The following KSR2 variants were observed in gnomAD, a reference collection of about 807,000 sequenced individuals.
The protein encoded by KSR2 is kinase suppressor of ras 2.
In KSR2, 25 loss-of-function variants were observed where a neutral mutation model predicts 107.8. That is an observed-to-expected ratio of 0.23 (90% CI 0.17 to 0.32). KSR2 has a LOEUF of 0.32. KSR2 is among the 10% of genes least tolerant of loss of function. The pLI is 1.00. For missense variants in KSR2, 887 were observed against 1,268.9 expected (o/e 0.70, Z 4.57); for synonymous variants, 480 against 507.0 (o/e 0.95, Z 0.71).
rs1017112809 is a variant in KSR2 at position 117,463,889 on chromosome 12, T to C, written c.*3310A>G. ...AAAGGGAAGAACTAGGTTCCCTGGA[T>C]ACAAAAGTCTAGTGGTCAATATCAG... On this transcript the variant is annotated 3_prime_UTR_variant, in exon 20 of 20. Coordinates refer to ENST00000339824, the MANE Select transcript of KSR2 (RefSeq NM_173598.6). 1 of 152,202 alleles carries C rather than the reference T, an allele frequency of 6.6e-6. No individual in the cohort carries two copies. Among genetic ancestry groups the C allele is most frequent in the Non-Finnish European group, 1.5e-5 (1 of 68,052 alleles). 9.4% of individuals were successfully genotyped at this position (152,202 alleles called of 1,614,324 possible).
intron 14 of KSR2, among the ~76,000 whole-genome samples, chr12:117,496,682 T>C (rs1420028524): frequency 6.6e-6 from 1 of 152,010 alleles, no homozygotes; most frequent in East Asian, 1.9e-4. Flanking sequence ...TAAAAATAAA[T>C]ACAATGAAAA....
At chr12:117,640,027 A>C (rs1883286142) in intron 5 of KSR2, among the ~76,000 whole-genome samples, 1 of 152,114 alleles carries the variant, frequency 6.6e-6, no homozygotes, top group Non-Finnish European at 1.5e-5. Context: ...ACTGAGTCTC[A>C]GGGAGGTTGA....
intron 1 of KSR2, among the ~76,000 whole-genome samples, chr12:117,917,226 A>G (rs928134455): frequency 1.3e-5 from 2 of 152,360 alleles, no homozygotes; most frequent in Middle Eastern, 3.4e-3. Flanking sequence ...TAATAAAATT[A>G]AGACTATACA....
At chr12:117,630,740 C>T (rs542976867) in intron 5 of KSR2, among the ~76,000 whole-genome samples, 48 of 152,034 alleles carry the variant, frequency 3.2e-4, no homozygotes, top group Middle Eastern at 3.4e-3. Flanking sequence ...AGGGTAGGGA[C>T]GCAAGGTTCT....
At chr12:117,800,527 C>T (rs1205900144) in intron 3 of KSR2, among the ~76,000 whole-genome samples, 1 of 152,120 alleles carries the variant, frequency 6.6e-6, no homozygotes, top group African/African-American at 2.4e-5. Context: ...GTGTATTAGT[C>T]CATTCTCACA....
At chr12:117,557,095 G>T (rs1877753080) in intron 8 of KSR2, among the ~76,000 whole-genome samples, 1 of 152,150 alleles carries the variant, frequency 6.6e-6, no homozygotes, top group Non-Finnish European at 1.5e-5. Flanking sequence ...AACCCGGGAG[G>T]CAGAGGTTGC....
At chr12:117,797,438 C>T (rs966771771) in intron 3 of KSR2, among the ~76,000 whole-genome samples, 1 of 152,090 alleles carries the variant, frequency 6.6e-6, no homozygotes, top group Non-Finnish European at 1.5e-5. Context: ...CAGGTAAATC[C>T]ATTAAGACAG....
intron 4 of KSR2, among the ~76,000 whole-genome samples, chr12:117,697,067 C>T (rs936053104): frequency 2.6e-5 from 4 of 152,132 alleles, no homozygotes; most frequent in East Asian, 1.9e-4. Context: ...ATTTTGCGGA[C>T]GCTAGTTTGG....
chr12:117,961,007 C>T (rs1467901795), intron 1 of KSR2, among the ~76,000 whole-genome samples: 2 of 152,050 alleles, frequency 1.3e-5, no homozygotes, highest in Non-Finnish European at 2.9e-5. Flanking sequence ...CCACATTGTC[C>T]AGACTGGTCT....
At chr12:117,715,150 T>C (rs67165350) in intron 4 of KSR2, among the ~76,000 whole-genome samples, 14,121 of 152,148 alleles carry the variant, frequency 0.093, 760 homozygotes, top group Middle Eastern at 0.18. Context: ...AGAGACACAA[T>C]TTTCTTATTA....
intron 5 of KSR2, among the ~76,000 whole-genome samples, chr12:117,606,667 C>T (rs948102038): frequency 1.5e-4 from 21 of 138,490 alleles, no homozygotes; most frequent in Non-Finnish European, 3.1e-4. Flanking sequence ...CTCCTCCTTC[C>T]CTTCCTCCCT....
At chr12:117,642,135 C>T (rs1449022446) in intron 5 of KSR2, among the ~76,000 whole-genome samples, 1 of 152,228 alleles carries the variant, frequency 6.6e-6, no homozygotes, top group Non-Finnish European at 1.5e-5. Context: ...TGTCCCCTCA[C>T]CATTGCTGCT....
intron 4 of KSR2, among the ~76,000 whole-genome samples, chr12:117,717,093 C>T (rs1321497688): frequency 6.6e-6 from 1 of 152,222 alleles, no homozygotes; most frequent in African/African-American, 2.4e-5. Flanking sequence ...CTGAAGTTCA[C>T]CAAAGTTGGT....
At chr12:117,599,373 G>A (rs1481814458) in intron 5 of KSR2, among the ~76,000 whole-genome samples, 1 of 152,142 alleles carries the variant, frequency 6.6e-6, no homozygotes, top group African/African-American at 2.4e-5. Context: ...TTGTTAATAC[G>A]TCAATTGCTG....
intron 4 of KSR2, among the ~76,000 whole-genome samples, chr12:117,687,101 G>T (rs757152802): frequency 2.6e-5 from 4 of 152,196 alleles, no homozygotes; most frequent in Non-Finnish European, 5.9e-5. Context: ...CGGCGATTCT[G>T]TGATGCTGCT....
chr12:117,750,895 T>C (rs867332749), intron 4 of KSR2, among the ~76,000 whole-genome samples: 2 of 152,220 alleles, frequency 1.3e-5, no homozygotes, highest in Non-Finnish European at 2.9e-5. Context: ...ATTTTCTTTA[T>C]CCGATCCACC....
chr12:117,478,451 T>A (rs1448191998), intron 16 of KSR2, among the ~76,000 whole-genome samples: 3 of 151,788 alleles, frequency 2.0e-5, no homozygotes, highest in Non-Finnish European at 4.4e-5. Flanking sequence ...AGAGACAAGG[T>A]CTGCTGAGAC....
chr12:117,774,036 G>A (rs984419089), intron 3 of KSR2, among the ~76,000 whole-genome samples: 2 of 152,136 alleles, frequency 1.3e-5, no homozygotes, highest in African/African-American at 4.8e-5. Flanking sequence ...GCTAGTAAGT[G>A]GTAGATCAGG....
At chr12:117,707,830 G>A (rs1319020321) in intron 4 of KSR2, among the ~76,000 whole-genome samples, 1 of 152,144 alleles carries the variant, frequency 6.6e-6, no homozygotes, top group African/African-American at 2.4e-5. Context: ...GGAGGGGATA[G>A]GGGTTGCAAA....
Sources: gnomAD v4.1 joint callset for allele counts (sites outside exome capture counted in the v4.1 genomes callset) on GRCh38, gnomAD v4.1.1 for gene constraint, MANE v1.5 for transcripts, NCBI Gene and HGNC (gene_info 2026-07-23, HGNC 2026-07-21) for gene names.